TYW1B: variants seen among roughly 807,000 people sequenced by gnomAD.
TYW1B encodes the protein S-adenosyl-L-methionine-dependent tRNA 4-demethylwyosine synthase TYW1B.
TYW1B carries 73 observed loss-of-function variants against 86.9 expected under a neutral mutation model. That is an observed-to-expected ratio of 0.84 (90% CI 0.70 to 1.02). TYW1B has a LOEUF of 1.02. Among genes scored for constraint, TYW1B ranks in the 50% least tolerant of loss-of-function variants. The pLI, the probability that TYW1B is intolerant of heterozygous loss-of-function variation, is 0.00. For synonymous variants in TYW1B, 248 were observed against 292.8 expected (o/e 0.85, Z 1.56); for missense variants, 637 against 827.4 (o/e 0.77, Z 2.82).
chr7:72,681,213 A>T (rs1813866415), intron 11 of TYW1B, among the ~76,000 whole-genome samples: 1 of 152,236 alleles, frequency 6.6e-6, no homozygotes, highest in Non-Finnish European at 1.5e-5. Context: ...CAGAATATAC[A>T]CCAAGAGGAG....
intron 11 of TYW1B, among the ~76,000 whole-genome samples, chr7:72,656,465 G>A (rs531489351): frequency 3.9e-5 from 6 of 152,174 alleles, no homozygotes; most frequent in South Asian, 2.1e-4. Flanking sequence ...ATACTTAGCC[G>A]GGCTCAGTGG....
intron 7 of TYW1B, among the ~76,000 whole-genome samples, chr7:72,750,686 G>C (rs531285915): frequency 6.6e-6 from 1 of 151,988 alleles, no homozygotes; most frequent in Non-Finnish European, 1.5e-5. Context: ...CTCTCCTTCT[G>C]CAACTCTGAT....
At chr7:72,711,287 T>A (rs1224617959) in intron 10 of TYW1B, among the ~76,000 whole-genome samples, 2 of 152,010 alleles carry the variant, frequency 1.3e-5, no homozygotes, top group African/African-American at 4.8e-5. Flanking sequence ...CAGATAAGCA[T>A]AAGCACCACA....
intron 11 of TYW1B, among the ~76,000 whole-genome samples, chr7:72,641,628 T>C (rs1812800612): frequency 6.6e-6 from 1 of 152,066 alleles, no homozygotes; most frequent in South Asian, 2.1e-4. Context: ...AGAAAACAGA[T>C]TGGTGGTTAT....
chr7:72,811,020 C>T (rs1184858164), intron 3 of TYW1B, among the ~76,000 whole-genome samples: 7 of 151,898 alleles, frequency 4.6e-5, no homozygotes, highest in Admixed American at 1.3e-4. Context: ...GCCTGTAATC[C>T]CAGCACTTTG....
chr7:72,752,199 C>G lies in TYW1B; in HGVS notation c.965-7598G>C, dbSNP rs1434499834. On this transcript the variant is annotated intron_variant, in intron 7 of 13. Transcript: ENST00000620995. Reference sequence around the variant, plus strand: ...AGAGAGTCTCAGGCCCAGCAGGGATCGACAGCATTTCACAGGCCAGGCCAC... The same window carrying G: ...AGAGAGTCTCAGGCCCAGCAGGGATGGACAGCATTTCACAGGCCAGGCCAC... 2.6e-5 allele frequency among the ~76,000 whole-genome samples: 4 copies of G among 152,034 alleles called. No individual in the cohort carries two copies. In the South Asian group the frequency reaches 6.2e-4, roughly 24 times the overall value.
chr7:72,685,711 C>G (rs35931860), intron 11 of TYW1B, among the ~76,000 whole-genome samples: 2 of 152,012 alleles, frequency 1.3e-5, no homozygotes, highest in African/African-American at 2.4e-5. Flanking sequence ...GAGTTCTAGA[C>G]GATAACACAG....
intron 9 of TYW1B, among the ~76,000 whole-genome samples, chr7:72,716,870 C>G (rs1786797827): frequency 1.3e-5 from 2 of 150,216 alleles, no homozygotes; most frequent in Non-Finnish European, 3.0e-5. Flanking sequence ...GCCTCAGCCT[C>G]CCAAAGTGCT....
chr7:72,709,756 C>T (rs1814706187), intron 10 of TYW1B, among the ~76,000 whole-genome samples: 1 of 152,170 alleles, frequency 6.6e-6, no homozygotes, highest in Admixed American at 6.5e-5. Context: ...TAAACCCATC[C>T]ACTTTTTAAA....
intron 3 of TYW1B, among the ~76,000 whole-genome samples, chr7:72,811,104 T>C (rs1377572399): frequency 6.6e-6 from 1 of 151,516 alleles, no homozygotes; most frequent in Non-Finnish European, 1.5e-5. Flanking sequence ...ACCCGGTCTT[T>C]ACTAAAAATA....
At chr7:72,709,026 A>G (rs1554454117) in intron 10 of TYW1B, among the ~76,000 whole-genome samples, 1 of 152,216 alleles carries the variant, frequency 6.6e-6, no homozygotes, top group Non-Finnish European at 1.5e-5. Flanking sequence ...ACATTTGGAC[A>G]CACATTATTC....
At chr7:72,580,586 C>T (rs1451295414) in intron 13 of TYW1B, among the ~76,000 whole-genome samples, 1 of 152,158 alleles carries the variant, frequency 6.6e-6, no homozygotes, top group Admixed American at 6.6e-5. Context: ...TGCAGGCTCC[C>T]ACTCTCTGCA....
chr7:72,678,075 A>G (rs1481477785), intron 11 of TYW1B, among the ~76,000 whole-genome samples: 12 of 152,222 alleles, frequency 7.9e-5, no homozygotes, highest in African/African-American at 2.4e-4. Context: ...GGGAACCTGA[A>G]TACTAGGATG....
chr7:72,810,360 G>C (rs1369977869), intron 4 of TYW1B, 111 bp downstream of exon 4: 2 of 1,117,736 alleles, frequency 1.8e-6, no homozygotes, highest in Non-Finnish European at 2.5e-6. Flanking sequence ...ATACATGTGT[G>C]TTTATGTGTG....
intron 11 of TYW1B, among the ~76,000 whole-genome samples, chr7:72,650,326 C>A (rs1224829754): frequency 1.3e-5 from 2 of 149,880 alleles, no homozygotes; most frequent in African/African-American, 4.9e-5. Context: ...GAAGTAAGCC[C>A]ATAAAGTTTC....
At chr7:72,772,003 T>C (rs1306742065) in intron 7 of TYW1B, among the ~76,000 whole-genome samples, 1 of 151,878 alleles carries the variant, frequency 6.6e-6, no homozygotes, top group African/African-American at 2.4e-5. Context: ...TGCTTCACCC[T>C]GCCAGGCTGA....
At chr7:72,637,325 A>G (rs1288911786) in intron 11 of TYW1B, among the ~76,000 whole-genome samples, 4 of 151,916 alleles carry the variant, frequency 2.6e-5, no homozygotes, top group African/African-American at 9.7e-5. Context: ...TTTAACAATT[A>G]TAAGTCCATG....
At chr7:72,592,171 A>T (rs1811412541) in intron 13 of TYW1B, among the ~76,000 whole-genome samples, 2 of 151,278 alleles carry the variant, frequency 1.3e-5, no homozygotes, top group Non-Finnish European at 3.0e-5. Context: ...AAAAAAAAAA[A>T]AAAAAAAAAA....
chr7:72,689,177 G>A (rs1554449947), intron 11 of TYW1B, among the ~76,000 whole-genome samples: 1 of 152,096 alleles, frequency 6.6e-6, no homozygotes, highest in Non-Finnish European at 1.5e-5. Context: ...ATGAGAGGTG[G>A]AAATAAACCA....
Sources: gnomAD v4.1 joint callset for allele counts (sites outside exome capture counted in the v4.1 genomes callset) on GRCh38, gnomAD v4.1.1 for gene constraint, MANE v1.5 for transcripts, NCBI Gene and HGNC (gene_info 2026-07-23, HGNC 2026-07-21) for gene names.